MACF1: variants seen among roughly 807,000 people sequenced by gnomAD.
The protein encoded by MACF1 is microtubule actin crosslinking factor 1, also known as microtubule-actin cross-linking factor 1.
In MACF1, 193 loss-of-function variants were observed where a neutral mutation model predicts 854.8. The observed-to-expected ratio is 0.23, with a 90% CI of 0.20 to 0.25. The LOEUF is 0.25. Among genes scored for constraint, MACF1 ranks in the 10% least tolerant of loss-of-function variants. MACF1 has a pLI of 1.00. For synonymous variants in MACF1, 3,185 were observed against 3,226.7 expected, an observed-to-expected ratio of 0.99 and a Z score of 0.44; for missense variants, 7,722 against 8,929.1, an observed-to-expected ratio of 0.86 and a Z score of 5.45.
chr1:39,350,748 G>A, intron 42 of MACF1, 37 bp from the exon 43 acceptor site: 1 of 1,512,118 alleles, frequency 6.6e-7, no homozygotes, highest in East Asian at 2.3e-5. Flanking sequence ...AAGCACTAAA[G>A]TCGAAGGCTC....
chr1:39,456,220 G>C (rs1644436106), intron 89 of MACF1, among the ~76,000 whole-genome samples: 1 of 152,152 alleles, frequency 6.6e-6, no homozygotes, highest in East Asian at 1.9e-4. Context: ...TGTAATCCCA[G>C]CTACTCAGGC....
chr1:39,299,278 T>C (rs1321385750), intron 21 of MACF1: 2 of 456,256 alleles, frequency 4.4e-6, no homozygotes, highest in East Asian at 1.4e-4. Flanking sequence ...TAAGCATTTC[T>C]TTTTCTTTAC....
intron 1 of MACF1, among the ~76,000 whole-genome samples, chr1:39,209,202 A>T (rs1266226362): frequency 6.6e-6 from 1 of 151,964 alleles, no homozygotes; most frequent in Non-Finnish European, 1.5e-5. Context: ...CCTGGGCAAC[A>T]AGAGTGAAAC....
At chr1:39,454,803 AAAAAT>A (rs1408195240) in intron 88 of MACF1, 101 bp from the exon 89 acceptor site, 177 of 1,046,792 alleles carry the variant, frequency 1.7e-4, no homozygotes, top group Admixed American at 6.5e-4. Context: ...CTGTCTCCAA[AAAAAT>A]AAAATAAAAA....
intron 65 of MACF1, 41 bp from the exon 66 acceptor site, chr1:39,430,661 A>C: frequency 6.5e-6 from 10 of 1,543,336 alleles, no homozygotes; most frequent in Non-Finnish European, 8.9e-6. Context: ...GATGTGCTTT[A>C]TTTAGCAAGG....
At chr1:39,375,962 G>T (rs796616907) in intron 52 of MACF1, among the ~76,000 whole-genome samples, 1 of 152,132 alleles carries the variant, frequency 6.6e-6, no homozygotes, top group African/African-American at 2.4e-5. Flanking sequence ...ATTTTTGGTC[G>T]TGTTATTTAA....
chr1:39,290,836 T>G (rs1415477630), intron 15 of MACF1, among the ~76,000 whole-genome samples: 1 of 150,216 alleles, frequency 6.7e-6, no homozygotes, highest in African/African-American at 2.5e-5. Context: ...CCCAGCTAAT[T>G]TTTTGTATTT....
At chr1:39,427,096 T>A (rs116743185) in intron 61 of MACF1, among the ~76,000 whole-genome samples, 21 of 152,328 alleles carry the variant, frequency 1.4e-4, no homozygotes, top group African/African-American at 4.8e-4. Flanking sequence ...CTGTTTTGAT[T>A]TGTGTTAAAT....
chr1:39,372,151 G>A (rs1178778948), intron 51 of MACF1, among the ~76,000 whole-genome samples: 2 of 152,028 alleles, frequency 1.3e-5, no homozygotes, highest in East Asian at 3.9e-4. Flanking sequence ...CTTCCTCTAG[G>A]CAGAATTAGA....
intron 58 of MACF1, among the ~76,000 whole-genome samples, chr1:39,393,873 G>C (rs1264423529): frequency 6.9e-6 from 1 of 144,068 alleles, no homozygotes; most frequent in Non-Finnish European, 1.5e-5. Context: ...GAGAAAGAAA[G>C]AGAGAAAGAA....
chr1:39,432,066 C>T (rs1334089088), intron 66 of MACF1, among the ~76,000 whole-genome samples: 1 of 152,142 alleles, frequency 6.6e-6, no homozygotes, highest in Admixed American at 6.5e-5. Context: ...ATTACATAAC[C>T]ATTTAAAAAT....
chr1:39,194,905 G>C (rs1644302156), intron 2 of MACF1, among the ~76,000 whole-genome samples: 1 of 151,904 alleles, frequency 6.6e-6, no homozygotes, highest in Admixed American at 6.6e-5. Flanking sequence ...TGTTGCCCAG[G>C]GTGGTCTTAA....
At chr1:39,310,532 T>G in intron 25 of MACF1, 104 bp downstream of exon 25, 1 of 1,272,082 alleles carries the variant, frequency 7.9e-7, no homozygotes, top group Non-Finnish European at 1.1e-6. Context: ...CACCACTTTT[T>G]TCCATTTGAG....
At chr1:39,349,422 G>T in intron 41 of MACF1, 56 bp from the exon 42 acceptor site, 8 of 1,539,294 alleles carry the variant, frequency 5.2e-6, no homozygotes, top group African/African-American at 1.4e-5. Flanking sequence ...GGAGTTTCTT[G>T]TATTTGCAAA....
intron 2 of MACF1, among the ~76,000 whole-genome samples, chr1:39,180,762 C>T (rs1644094318): frequency 6.6e-6 from 1 of 152,190 alleles, no homozygotes; most frequent in Non-Finnish European, 1.5e-5. Flanking sequence ...TGGGGCCTGA[C>T]GGATCTCAGG....
rs1436205608 is a variant in MACF1 at position 39,287,536 on chromosome 1, C to T, written c.1759C>T (p.Leu587=). The T allele has an allele frequency of 1.2e-6, 2 of 1,614,220 alleles. No homozygotes were observed. The highest frequency in any genetic ancestry group is 3.3e-5 in the Admixed American group (2 of 60,022). ...DEGNLRFVYE[L]LSWVEEMQMK... is the part of the protein sequence containing the mutation. ...AGGCAATCTCCGATTTGTGTATGAA[C>T]TACTGTCTTGGGTAGAAGAGATGCA... Residue 587 remains leucine (L), a synonymous_variant, in exon 15 of 101, where the codon CTA becomes TTA. Transcript: ENST00000564288.
intron 84 of MACF1, among the ~76,000 whole-genome samples, chr1:39,450,610 C>CTTTTTTTT (rs11398407): frequency 4.3e-5 from 5 of 115,248 alleles, no homozygotes; most frequent in Non-Finnish European, 7.0e-5. Flanking sequence ...TACTCTATTT[C>CTTTTTTTT]TTTTTTTTTT....
At chr1:39,169,177 T>G (rs974028662) in intron 2 of MACF1, among the ~76,000 whole-genome samples, 2 of 152,250 alleles carry the variant, frequency 1.3e-5, no homozygotes, top group Admixed American at 6.5e-5. Context: ...CTTATCACTT[T>G]GTACCTGAAT....
intron 2 of MACF1, among the ~76,000 whole-genome samples, chr1:39,241,932 T>A (rs757477423): frequency 1.3e-5 from 2 of 152,198 alleles, no homozygotes; most frequent in Non-Finnish European, 2.9e-5. Context: ...AATTAAGTAA[T>A]CTTTAAAGTC....
Sources: gnomAD v4.1 joint callset for allele counts (sites outside exome capture counted in the v4.1 genomes callset) on GRCh38, gnomAD v4.1.1 for gene constraint, MANE v1.5 for transcripts, NCBI Gene and HGNC (gene_info 2026-07-23, HGNC 2026-07-21) for gene names.